Variants in PNPLA8 observed in about 807,000 individuals in gnomAD.
PNPLA8 encodes the protein patatin like domain 8, phospholipase A2.
PNPLA8 carries 39 observed loss-of-function variants against 76.9 expected under a neutral mutation model. That is an observed-to-expected ratio of 0.51 (90% confidence interval 0.39 to 0.66). The LOEUF (loss-of-function observed/expected upper bound fraction) is 0.66. Among genes scored for constraint, PNPLA8 ranks in the 30% least tolerant of loss-of-function variants. The pLI is 0.00. For missense variants in PNPLA8, 887 were observed against 918.0 expected (o/e 0.97, Z 0.44); for synonymous variants, 301 against 307.9 (o/e 0.98, Z 0.24).
intron 7 of PNPLA8, among the ~76,000 whole-genome samples, chr7:108,496,265 A>G (rs1861540477): frequency 6.6e-6 from 1 of 152,142 alleles, no homozygotes; most frequent in Non-Finnish European, 1.5e-5. Flanking sequence ...AAATAATTGA[A>G]TATTTTAGAA....
chr7:108,518,756 T>C (rs111679778), intron 2 of PNPLA8, among the ~76,000 whole-genome samples: 60,463 of 125,962 alleles, frequency 0.48, 13,752 homozygotes, highest in African/African-American at 0.62. Context: ...TATATATATA[T>C]ATACACACAC....
At chr7:108,479,889 A>G (rs996415858) in intron 9 of PNPLA8, among the ~76,000 whole-genome samples, 1 of 152,214 alleles carries the variant, frequency 6.6e-6, no homozygotes, top group Non-Finnish European at 1.5e-5. Flanking sequence ...CTAAGTATGT[A>G]TCAATATCAA....
At chr7:108,503,256 C>G (rs1377625786) in intron 4 of PNPLA8, among the ~76,000 whole-genome samples, 1 of 152,166 alleles carries the variant, frequency 6.6e-6, no homozygotes, top group African/African-American at 2.4e-5. Flanking sequence ...TCCTAGAGTT[C>G]TATGTTGCTT....
chr7:108,514,319 G>C, intron 3 of PNPLA8, 26 bp from the exon 4 acceptor site: 2 of 1,583,606 alleles, frequency 1.3e-6, no homozygotes, highest in Non-Finnish European at 1.7e-6. Context: ...AAATAGATAT[G>C]ATTAGAATAC....
intron 4 of PNPLA8, among the ~76,000 whole-genome samples, chr7:108,513,798 G>A (rs1011645714): frequency 1.3e-5 from 2 of 152,152 alleles, no homozygotes; most frequent in African/African-American, 4.8e-5. Flanking sequence ...CCTCACATAT[G>A]AATTATGTCT....
intron 10 of PNPLA8, among the ~76,000 whole-genome samples, chr7:108,473,034 G>A (rs1859735736): frequency 6.6e-6 from 1 of 152,028 alleles, no homozygotes; most frequent in Non-Finnish European, 1.5e-5. Context: ...AATTTTAACT[G>A]TATAGTTTGA....
At chr7:108,510,479 C>T (rs1862832318) in intron 4 of PNPLA8, 11 of 1,405,752 alleles carry the variant, frequency 7.8e-6, no homozygotes, top group South Asian at 1.2e-5. Context: ...CTACTTTGTA[C>T]CTGCAGAACC....
chr7:108,508,855 C>T (rs1251396491), intron 4 of PNPLA8, among the ~76,000 whole-genome samples: 1 of 142,476 alleles, frequency 7.0e-6, no homozygotes, highest in Non-Finnish European at 1.5e-5. Flanking sequence ...AGAACAGAGC[C>T]CTCAGAAATA....
chr7:108,502,648 T>C lies in PNPLA8; in HGVS notation c.1207-6A>G, dbSNP rs781640682. Reference sequence around the variant, plus strand: ...AAATATGGAATAATTCTTTCCTATATTGAGAGAAAAGATACTTTGTTGCTT... The same window carrying C: ...AAATATGGAATAATTCTTTCCTATACTGAGAGAAAAGATACTTTGTTGCTT... On this transcript the variant is annotated splice_region_variant and splice_polypyrimidine_tract_variant and intron_variant, in intron 4 of 10. Transcript: ENST00000257694. 2.5e-6 allele frequency: 4 copies of C among 1,596,526 alleles called. No homozygotes were observed. Among genetic ancestry groups the C allele is most frequent in the African/African-American group, 2.7e-5 (2 of 74,256 alleles).
Position 108,479,265 on chromosome 7 carries a change from T to C in PNPLA8, c.1993A>G (p.Ser665Gly), listed in dbSNP as rs145352211. The C allele has an allele frequency of 1.1e-5, 17 of 1,613,184 alleles. No individual in the cohort carries two copies. The African/African-American group carries it at 1.6e-4, about 15-fold the overall frequency. Residue 665 changes from serine (S) to glycine (G), a missense_variant, in exon 10 of 11, where the codon AGT becomes GGT. Physicochemically the swap from Ser to Gly is moderately conservative, Grantham distance 56. Transcript: ENST00000257694. ...TATGTTACCGTGTTTCTCACATCAC[T>C]CTCATAACGTCCAGTGCCCAGGGAT... is the stretch of plus-strand genomic sequence containing the variant. ...IVSLGTGRYESDVRNTVTYTS... is the reference protein window; with the variant it reads ...IVSLGTGRYEGDVRNTVTYTS...
Position 108,484,703 on chromosome 7 carries a change from T to C in PNPLA8, c.1878+3056A>G, listed in dbSNP as rs562055048. On this transcript the variant is annotated intron_variant, in intron 9 of 10. Transcript: ENST00000257694. ...ACCCTGACAGAATAAATCACCTCTATAGTACTTCTTAATCCTGTACATATA... is the reference window on the plus strand; with the variant it reads ...ACCCTGACAGAATAAATCACCTCTACAGTACTTCTTAATCCTGTACATATA... Among the ~76,000 whole-genome samples, 265 of 152,314 alleles carry C rather than the reference T, an allele frequency of 1.7e-3. 1 individual carries two copies. Among genetic ancestry groups the C allele is most frequent in the Non-Finnish European group, 3.3e-3 (226 of 68,018 alleles).
chr7:108,497,588 G>C lies in PNPLA8; in HGVS notation c.1359-11C>G. On this transcript the variant is annotated splice_polypyrimidine_tract_variant and intron_variant, in intron 5 of 10. Coordinates refer to ENST00000257694, the MANE Select transcript of PNPLA8 (RefSeq NM_001256007.3). ...AGAGCAACCACGCCCCTACAGAAAA[G>C]ATTAAAGACAAAATGACAATTCCTG... 6.7e-7 allele frequency: 1 copy of C among 1,495,980 alleles called. No homozygotes were observed. Among genetic ancestry groups the C allele is most frequent in the Non-Finnish European group, 9.0e-7 (1 of 1,106,148 alleles). The allele number at this position is 1,495,980 out of a possible 1,614,324, so 92.7% of individuals were successfully genotyped here. A position where few individuals can be genotyped will look rare whatever the true frequency, so the allele number is the denominator to read the frequency against.
At chr7:108,510,352 G>C (rs1329396499) in intron 4 of PNPLA8, 10 of 1,573,060 alleles carry the variant, frequency 6.4e-6, no homozygotes, top group Non-Finnish European at 7.8e-6. Context: ...CCCAAAAGAT[G>C]CTTCGAAAGG....
intron 2 of PNPLA8, among the ~76,000 whole-genome samples, chr7:108,516,898 TCTCAAAAACAAAACAAACAAAAAAAAAA>T (rs1012334315): frequency 6.8e-6 from 1 of 147,372 alleles, no homozygotes; most frequent in Non-Finnish European, 1.5e-5. Context: ...CCAGGCTTTG[TCTCAAAAACAAAACAAACAAAAAAAAAA>T]CCAACCTTCT....
chr7:108,495,953 T>C (rs1463510638), intron 7 of PNPLA8, among the ~76,000 whole-genome samples: 2 of 152,246 alleles, frequency 1.3e-5, no homozygotes, highest in African/African-American at 4.8e-5. Context: ...TCTACAGCTC[T>C]GAATAACAGG....
chr7:108,510,343 C>T, intron 4 of PNPLA8: 1 of 1,582,234 alleles, frequency 6.3e-7, no homozygotes, highest in Non-Finnish European at 8.6e-7. Flanking sequence ...AGAAGTTTGC[C>T]CAAAAGATGC....
At chr7:108,526,990 T>C (rs888057916), upstream of PNPLA8, among the ~76,000 whole-genome samples, 3 of 152,258 alleles carry the variant, frequency 2.0e-5, no homozygotes, top group Admixed American at 6.5e-5. Context: ...ATACATGCTG[T>C]TAATTAAAGC....
At chr7:108,525,125 A>T (rs1278445058) in intron 1 of PNPLA8, among the ~76,000 whole-genome samples, 1 of 152,252 alleles carries the variant, frequency 6.6e-6, no homozygotes, top group African/African-American at 2.4e-5. Flanking sequence ...TATAATTACG[A>T]AATAAAAACA....
intron 4 of PNPLA8, among the ~76,000 whole-genome samples, chr7:108,511,654 C>T (rs1159694532): frequency 2.0e-5 from 3 of 151,970 alleles, no homozygotes; most frequent in African/African-American, 7.3e-5. Context: ...TGAAGGACTG[C>T]GTTATATTTT....
Sources: gnomAD v4.1 joint callset for allele counts (sites outside exome capture counted in the v4.1 genomes callset) on GRCh38, gnomAD v4.1.1 for gene constraint, MANE v1.5 for transcripts, NCBI Gene and HGNC (gene_info 2026-07-23, HGNC 2026-07-21) for gene names.